GALK2: variants seen among roughly 807,000 people sequenced by gnomAD.
The protein encoded by GALK2 is galactokinase 2, also known as N-acetylgalactosamine kinase.
In GALK2, 36 loss-of-function variants were observed where a neutral mutation model predicts 52.4. The observed-to-expected ratio is 0.69, with a 90% CI of 0.53 to 0.91. The LOEUF is 0.91. GALK2 is among the 40% of genes least tolerant of loss of function. The pLI is 0.00. For missense variants in GALK2, 579 were observed against 559.1 expected, an observed-to-expected ratio of 1.04 and a Z score of -0.36; for synonymous variants, 176 against 199.1, an observed-to-expected ratio of 0.88 and a Z score of 0.98.
At chr15:49,210,973 T>TCACACACACACACACACACACACA (rs3075099) in intron 2 of GALK2, among the ~76,000 whole-genome samples, 15 of 146,636 alleles carry the variant, frequency 1.0e-4, no homozygotes, top group African/African-American at 2.3e-4. Flanking sequence ...ACACACACAC[T>TCACACACACACACACACACACACA]CACACACACA....
chr15:49,187,895 T>C (rs2086472294), intron 1 of GALK2, among the ~76,000 whole-genome samples: 1 of 152,020 alleles, frequency 6.6e-6, no homozygotes, highest in Non-Finnish European at 1.5e-5. Flanking sequence ...AGTCCTAGAA[T>C]TGTGGACCCC....
intron 5 of GALK2, among the ~76,000 whole-genome samples, chr15:49,250,109 G>A (rs2091526136): frequency 6.6e-6 from 1 of 152,190 alleles, no homozygotes; most frequent in African/African-American, 2.4e-5. Context: ...GCTGGCGAGT[G>A]TACCCTTTCT....
At position 49,365,327 on chromosome 15, in the gene GALK2, A is replaced by G. The variant is rs192469112; in HGVS notation, c.427-2164A>G. On this transcript the variant is annotated intron_variant, in intron 3 of 3. Transcript: ENST00000558399. ...CCCCTTTTTCATCAGCACCAGAACAACAAATGTAAGTATCATGCCAATAGC... is the reference window on the plus strand; with the variant it reads ...CCCCTTTTTCATCAGCACCAGAACAGCAAATGTAAGTATCATGCCAATAGC... The G allele has an allele frequency of 2.7e-5, 43 of 1,568,036 alleles. No homozygotes were observed. In the Middle Eastern group the frequency reaches 8.4e-4, roughly 31 times the overall value.
chr15:49,292,803 T>TC (rs974930959), intron 8 of GALK2, among the ~76,000 whole-genome samples: 11 of 152,178 alleles, frequency 7.2e-5, no homozygotes, highest in African/African-American at 2.7e-4. Flanking sequence ...ATCTTTTTTT[T>TC]CCCTTATCCA....
At chr15:49,249,292 G>A (rs1026183227) in intron 5 of GALK2, among the ~76,000 whole-genome samples, 1 of 152,184 alleles carries the variant, frequency 6.6e-6, no homozygotes, top group African/African-American at 2.4e-5. Flanking sequence ...CTGACTCCCA[G>A]ACTAATATTT....
chr15:49,252,532 T>C (rs2091654291), intron 5 of GALK2, among the ~76,000 whole-genome samples: 1 of 152,206 alleles, frequency 6.6e-6, no homozygotes, highest in South Asian at 2.1e-4. Context: ...GTTTTAATAC[T>C]TAATAATATT....
intron 1 of GALK2, among the ~76,000 whole-genome samples, chr15:49,183,888 T>C (rs944608608): frequency 3.3e-5 from 5 of 151,118 alleles, no homozygotes; most frequent in African/African-American, 9.7e-5. Context: ...GCCTAACATA[T>C]GGTCTGTTTT....
At chr15:49,285,523 T>G (rs974992325) in intron 7 of GALK2, among the ~76,000 whole-genome samples, 11 of 152,158 alleles carry the variant, frequency 7.2e-5, no homozygotes, top group Non-Finnish European at 1.5e-4. Flanking sequence ...AACTTCCATC[T>G]CTATGATGAT....
chr15:49,286,127 G>T (rs759754796), intron 7 of GALK2, among the ~76,000 whole-genome samples: 10 of 152,092 alleles, frequency 6.6e-5, no homozygotes, highest in Non-Finnish European at 1.2e-4. Flanking sequence ...ATATTTTGAA[G>T]CACTTCATTT....
chr15:49,327,129 C>CTT (rs1223578649), intron 9 of GALK2: 1 of 152,148 alleles, frequency 6.6e-6, no homozygotes, highest in Admixed American at 6.5e-5. Context: ...TGGTTGAAAT[C>CTT]TTAGGTTTGA....
At chr15:49,266,081 C>A (rs751875083) in intron 5 of GALK2, among the ~76,000 whole-genome samples, 6 of 152,128 alleles carry the variant, frequency 3.9e-5, no homozygotes, top group Admixed American at 3.9e-4. Flanking sequence ...AGCTGCTGGT[C>A]AAGTTGGCAC....
rs529858444 is a variant in GALK2, at chr15:49,229,427, T to G, written c.267-6424T>G. Reference sequence around the variant, plus strand: ...GGCTCCAAAGCATTCTGCATTGTTGTTGGTGGCTGTATTAGGCTGGGTGAG... The same window carrying G: ...GGCTCCAAAGCATTCTGCATTGTTGGTGGTGGCTGTATTAGGCTGGGTGAG... On this transcript the variant is annotated intron_variant, in intron 3 of 9. Transcript: ENST00000560031. 2.6e-5 allele frequency among the ~76,000 whole-genome samples: 4 copies of G among 152,298 alleles called. No homozygotes were observed. The East Asian group carries it at 7.7e-4, about 29-fold the overall frequency.
At chr15:49,323,726 G>C (rs1460026418) in intron 9 of GALK2, among the ~76,000 whole-genome samples, 1 of 152,174 alleles carries the variant, frequency 6.6e-6, no homozygotes, top group Non-Finnish European at 1.5e-5. Context: ...GGAGAGAAGG[G>C]GGGTTGGGAA....
chr15:49,280,992 A>G (rs2032610755), intron 5 of GALK2, among the ~76,000 whole-genome samples: 1 of 152,144 alleles, frequency 6.6e-6, no homozygotes, highest in South Asian at 2.1e-4. Context: ...ATGCACCACA[A>G]TGCCCAGCTA....
chr15:49,323,794 A>C (rs2037102556), intron 9 of GALK2, among the ~76,000 whole-genome samples: 1 of 152,226 alleles, frequency 6.6e-6, no homozygotes. Flanking sequence ...TTCAAGAGAA[A>C]ATCAGTTTAG....
chr15:49,258,336 G>C (rs1044836173), intron 5 of GALK2, among the ~76,000 whole-genome samples: 3 of 152,082 alleles, frequency 2.0e-5, no homozygotes, highest in Middle Eastern at 3.4e-3. Flanking sequence ...GTGGCAGGGG[G>C]TATTAGTATA....
intron 2 of GALK2, among the ~76,000 whole-genome samples, chr15:49,204,790 G>T (rs1193864476): frequency 1.3e-5 from 2 of 152,010 alleles, no homozygotes; most frequent in Non-Finnish European, 2.9e-5. Context: ...AGATTTTGGT[G>T]TACCCATCAC....
At chr15:49,353,139 T>C (rs2042498301) in intron 3 of GALK2, among the ~76,000 whole-genome samples, 2 of 152,318 alleles carry the variant, frequency 1.3e-5, no homozygotes, top group South Asian at 4.1e-4. Context: ...CAGCCACTGA[T>C]AGTGTGGAAA....
intron 8 of GALK2, among the ~76,000 whole-genome samples, chr15:49,303,805 C>T (rs144025126): frequency 0.012 from 1,794 of 152,282 alleles, 19 homozygotes; most frequent in Middle Eastern, 0.031. Context: ...TGGCTCTAGC[C>T]TTGCTGGTCT....
Sources: gnomAD v4.1 joint callset for allele counts (sites outside exome capture counted in the v4.1 genomes callset) on GRCh38, gnomAD v4.1.1 for gene constraint, MANE v1.5 for transcripts, NCBI Gene and HGNC (gene_info 2026-07-23, HGNC 2026-07-21) for gene names.